The following ZFHX3 variants were observed in gnomAD, a reference collection of about 807,000 sequenced individuals.
ZFHX3 encodes zinc finger homeobox 3.
A neutral mutation model predicts 279.1 loss-of-function variants in ZFHX3; 42 were observed. The observed-to-expected ratio is 0.15, with a 90% CI of 0.12 to 0.19. The LOEUF (loss-of-function observed/expected upper bound fraction) is 0.19. Among genes scored for constraint, ZFHX3 ranks in the 10% least tolerant of loss-of-function variants. The pLI, the probability that ZFHX3 is intolerant of heterozygous loss-of-function variation, is 1.00. For missense variants in ZFHX3, 4,981 were observed against 4,754.0 expected (o/e 1.05, Z -1.40); for synonymous variants, 2,293 against 1,957.8 (o/e 1.17, Z -4.52).
chr16:73,783,229 C>A (rs1406406124), intron 1 of ZFHX3, among the ~76,000 whole-genome samples: 1 of 152,210 alleles, frequency 6.6e-6, no homozygotes, highest in Non-Finnish European at 1.5e-5. Context: ...AAGGCCCAAC[C>A]CTCATTCCCC....
intron 5 of ZFHX3, among the ~76,000 whole-genome samples, chr16:73,172,397 C>A (rs902296647): frequency 2.6e-5 from 4 of 152,212 alleles, no homozygotes; most frequent in African/African-American, 9.6e-5. Context: ...CCAGGCCGAA[C>A]TTTCCCATGC....
chr16:73,347,149 G>A (rs1174835207), intron 3 of ZFHX3, among the ~76,000 whole-genome samples: 1 of 152,200 alleles, frequency 6.6e-6, no homozygotes, highest in Non-Finnish European at 1.5e-5. Flanking sequence ...TGACTGCAAA[G>A]TCTATGTTTA....
At chr16:73,294,102 G>C (rs191365820) in intron 4 of ZFHX3, 1 of 150,686 alleles carries the variant, frequency 6.6e-6, no homozygotes, top group East Asian at 2.0e-4. Flanking sequence ...GTTCGATTAT[G>C]ATTTTAGTGA....
At chr16:73,584,695 G>T (rs1218714473) in intron 2 of ZFHX3, among the ~76,000 whole-genome samples, 4 of 152,138 alleles carry the variant, frequency 2.6e-5, no homozygotes, top group African/African-American at 9.7e-5. Context: ...ATTTTATGAT[G>T]AAATCGCCAA....
In ZFHX3 at chr16:73,875,354, G is replaced by A. The variant is rs954925780; in HGVS notation, c.-1608+16297C>T. On this transcript the variant is annotated intron_variant, in intron 1 of 17. Transcript: ENST00000641206. ...GCAAGATCCAATGGCTTCAAGGCAC[G>A]TAAGGTGCAAACACAGTTACAAGGT... 9.4e-4 allele frequency among the ~76,000 whole-genome samples: 143 copies of A among 152,108 alleles called. 3 individuals carry two copies. Among genetic ancestry groups the A allele is most frequent in the African/African-American group, 3.3e-3 (137 of 41,428 alleles).
chr16:73,539,290 T>G (rs1376485362), intron 2 of ZFHX3, among the ~76,000 whole-genome samples: 1 of 151,874 alleles, frequency 6.6e-6, no homozygotes, highest in African/African-American at 2.4e-5. Flanking sequence ...CAGAATTCGA[T>G]TCCACATTGT....
chr16:73,284,837 G>T (rs989880419), intron 4 of ZFHX3, among the ~76,000 whole-genome samples: 4 of 151,900 alleles, frequency 2.6e-5, no homozygotes, highest in Admixed American at 1.3e-4. Context: ...TTTTCCCAGG[G>T]TGCTTTGTTT....
chr16:73,849,564 G>C (rs999276306), intron 1 of ZFHX3, among the ~76,000 whole-genome samples: 3 of 152,226 alleles, frequency 2.0e-5, no homozygotes, highest in Admixed American at 2.0e-4. Flanking sequence ...TATGAAATGA[G>C]GGTAATTCTC....
At chr16:73,034,243 G>C (rs912941809) in intron 1 of ZFHX3, among the ~76,000 whole-genome samples, 1 of 151,970 alleles carries the variant, frequency 6.6e-6, no homozygotes, top group Non-Finnish European at 1.5e-5. Flanking sequence ...ACTGGTCCTC[G>C]ACTAGGGAAG....
At chr16:73,595,967 G>A (rs886653996) in intron 2 of ZFHX3, among the ~76,000 whole-genome samples, 11 of 148,004 alleles carry the variant, frequency 7.4e-5, no homozygotes, top group East Asian at 2.0e-4. Flanking sequence ...TCTCTCTCCC[G>A]ACCATTACTT....
intron 1 of ZFHX3, among the ~76,000 whole-genome samples, chr16:73,857,452 C>A (rs184553294): frequency 7.9e-5 from 12 of 152,150 alleles, no homozygotes; most frequent in Non-Finnish European, 7.4e-5. Flanking sequence ...ATAAAGTAAC[C>A]CCACTTGTTC....
At chr16:73,460,423 T>C (rs544020360) in intron 2 of ZFHX3, among the ~76,000 whole-genome samples, 1 of 152,372 alleles carries the variant, frequency 6.6e-6, no homozygotes, top group South Asian at 2.1e-4. Flanking sequence ...CAAGTTGTTA[T>C]AAATAGTCAT....
At chr16:73,540,954 C>G (rs1451832812) in intron 2 of ZFHX3, among the ~76,000 whole-genome samples, 1 of 152,074 alleles carries the variant, frequency 6.6e-6, no homozygotes, top group African/African-American at 2.4e-5. Flanking sequence ...ATGAGATGCT[C>G]TTTTAGAATA....
At chr16:73,600,050 T>G (rs2052095215) in intron 2 of ZFHX3, among the ~76,000 whole-genome samples, 1 of 152,208 alleles carries the variant, frequency 6.6e-6, no homozygotes, top group African/African-American at 2.4e-5. Flanking sequence ...ACGGAGCATC[T>G]TATTTGTACA....
intron 7 of ZFHX3, among the ~76,000 whole-genome samples, chr16:73,103,452 C>T (rs947577949): frequency 2.6e-5 from 4 of 152,214 alleles, no homozygotes; most frequent in African/African-American, 9.6e-5. Flanking sequence ...TCTCTCCTCC[C>T]ATTGGTGGCC....
intron 4 of ZFHX3, among the ~76,000 whole-genome samples, chr16:72,838,208 T>A (rs186526656): frequency 5.1e-4 from 77 of 152,128 alleles, no homozygotes; most frequent in Middle Eastern, 6.8e-3. Context: ...TGAAAGCAAC[T>A]CTGGGTATTA....
intron 2 of ZFHX3, among the ~76,000 whole-genome samples, chr16:73,471,286 A>G (rs1190781407): frequency 2.0e-5 from 3 of 152,246 alleles, no homozygotes; most frequent in South Asian, 2.1e-4. Context: ...GTGATCGACC[A>G]TAGTGATTGA....
intron 1 of ZFHX3, among the ~76,000 whole-genome samples, chr16:73,011,653 G>A (rs1021268955): frequency 3.9e-5 from 6 of 151,946 alleles, no homozygotes; most frequent in African/African-American, 1.5e-4. Context: ...GAACCTAGAG[G>A]CAGAGGTCGC....
intron 5 of ZFHX3, among the ~76,000 whole-genome samples, chr16:73,183,873 T>C (rs1381858183): frequency 6.6e-6 from 1 of 151,990 alleles, no homozygotes; most frequent in Non-Finnish European, 1.5e-5. Context: ...CTCGTTCTTA[T>C]GCTCTGCTTG....
Sources: gnomAD v4.1 joint callset for allele counts (sites outside exome capture counted in the v4.1 genomes callset) on GRCh38, gnomAD v4.1.1 for gene constraint, MANE v1.5 for transcripts, NCBI Gene and HGNC (gene_info 2026-07-23, HGNC 2026-07-21) for gene names.